Variants in ARFGEF3 observed in about 807,000 individuals in gnomAD.
The protein encoded by ARFGEF3 is ARFGEF family member 3.
A neutral mutation model predicts 221.7 loss-of-function variants in ARFGEF3; 96 were observed. That is an observed-to-expected ratio of 0.43 (90% CI 0.37 to 0.51). The LOEUF (loss-of-function observed/expected upper bound fraction) is 0.51. Ranked by LOEUF, ARFGEF3 falls within the 20% of genes least tolerant of loss-of-function variation. The pLI, the probability that ARFGEF3 is intolerant of heterozygous loss-of-function variation, is 0.00. For missense variants in ARFGEF3, 2,410 were observed against 2,789.9 expected (o/e 0.86, Z 3.07); for synonymous variants, 1,145 against 1,126.8 (o/e 1.02, Z -0.32).
intron 3 of ARFGEF3, 73 bp downstream of exon 3, chr6:138,207,196 T>A: frequency 8.9e-7 from 1 of 1,126,900 alleles, no homozygotes; most frequent in Non-Finnish European, 1.3e-6. Context: ...GGCAAATAGT[T>A]AACATTTTAA....
chr6:138,269,117 T>TTTG (rs1178153779), intron 12 of ARFGEF3, among the ~76,000 whole-genome samples: 1 of 152,230 alleles, frequency 6.6e-6, no homozygotes, highest in African/African-American at 2.4e-5. Context: ...GTCCCGTGAT[T>TTTG]TTGCTACCAT....
At chr6:138,240,769 G>C (rs565829809) in intron 6 of ARFGEF3, among the ~76,000 whole-genome samples, 1 of 152,170 alleles carries the variant, frequency 6.6e-6, no homozygotes, top group Non-Finnish European at 1.5e-5. Flanking sequence ...CCAATGGAGG[G>C]AGACATAAGT....
chr6:138,294,070 A>G lies in ARFGEF3; in HGVS notation c.3446A>G (p.Gln1149Arg), dbSNP rs749326121. Reference sequence around the variant, plus strand: ...CTTTACCAGCTGAAGAAAGCATCGCAGTCTCAGCTTTTCCATTCTGTTACA... The same window carrying G: ...CTTTACCAGCTGAAGAAAGCATCGCGGTCTCAGCTTTTCCATTCTGTTACA... ...GFLYQLKKAS[Q>R]SQLFHSVTDT... The change falls in exon 20 of 34, where the codon CAG (glutamine) becomes CGG (arginine). Residue 1149 changes from glutamine (Q) to arginine (R), a missense_variant. Gln to Arg is a conservative substitution (Grantham distance 43, BLOSUM62 1). This residue lies in a region of ARFGEF3 where 723 missense variants were observed against 991.9 expected (regional missense o/e 0.73). Transcript: ENST00000251691. The G allele has an allele frequency of 2.5e-6, 4 of 1,613,794 alleles. No homozygotes were observed. Among genetic ancestry groups the G allele is most frequent in the Non-Finnish European group, 3.4e-6 (4 of 1,179,688 alleles).
In ARFGEF3 at chr6:138,253,913, G is replaced by A; in HGVS notation, c.699G>A (p.Glu233=). 6.3e-7 allele frequency: 1 copy of A among 1,593,988 alleles called. No individual in the cohort carries two copies. Among genetic ancestry groups the A allele is most frequent in the Non-Finnish European group, 8.5e-7 (1 of 1,170,412 alleles). Residue 233 remains glutamate (E), a synonymous_variant, in exon 9 of 34, where the codon GAG becomes GAA. Coordinates refer to ENST00000251691, the MANE Select transcript of ARFGEF3 (RefSeq NM_020340.5). ...DSQQLQLLYL[E]CILSVLSSSS... is the part of the protein sequence containing the mutation. ...AGCAGCTGCAGCTTCTCTACCTGGA[G>A]TGCATCCTGTCTGTGCTCAGCAGCT...
intron 8 of ARFGEF3, among the ~76,000 whole-genome samples, chr6:138,252,144 T>A (rs1007162069): frequency 2.0e-5 from 3 of 152,194 alleles, no homozygotes; most frequent in Non-Finnish European, 4.4e-5. Context: ...AGACAGAGTA[T>A]ATCCAAATAT....
chr6:138,259,513 C>CAG (rs1778748289), intron 10 of ARFGEF3, among the ~76,000 whole-genome samples: 1 of 152,240 alleles, frequency 6.6e-6, no homozygotes. Flanking sequence ...CCACAACTCT[C>CAG]ATTCCCACCT....
At chr6:138,218,304 T>A in intron 4 of ARFGEF3, 1 of 1,578,284 alleles carries the variant, frequency 6.3e-7, no homozygotes, top group African/African-American at 1.3e-5. Context: ...CCTTGGGAAG[T>A]TACTTAATCT....
At chr6:138,277,579 C>T (rs1779121853) in intron 12 of ARFGEF3, among the ~76,000 whole-genome samples, 1 of 152,230 alleles carries the variant, frequency 6.6e-6, no homozygotes, top group Admixed American at 6.5e-5. Context: ...TTCTAAACAT[C>T]TTACATGCAT....
At chr6:138,267,150 T>G (rs1424875707) in intron 12 of ARFGEF3, among the ~76,000 whole-genome samples, 4 of 152,162 alleles carry the variant, frequency 2.6e-5, no homozygotes, top group Non-Finnish European at 4.4e-5. Flanking sequence ...AACAGTAAAA[T>G]TATAGTCAGG....
At position 138,334,737 on chromosome 6, in the gene ARFGEF3, A is replaced by C. The variant is rs751967414; in HGVS notation, c.5891A>C (p.Asp1964Ala). The C allele has an allele frequency of 3.7e-6, 6 of 1,609,430 alleles. No homozygotes were observed. In the African/African-American group the frequency reaches 8.0e-5, roughly 22 times the overall value. The stretch of plus-strand genomic sequence containing the variant: ...TCTGGGAAAGAAACCCCTTCCGAGG[A>C]TGACAGAAGCCAGTCCCGGGAGCAC... ...GFSGKETPSE[D>A]DRSQSREHMG... The change falls in exon 33 of 34, where the codon GAT becomes GCT. Residue 1964 changes from aspartate (D) to alanine (A), a missense_variant. Physicochemically the swap from Asp to Ala is moderately radical, Grantham distance 126. This residue lies in a region of ARFGEF3 where 339 missense variants were observed against 334.9 expected (regional missense o/e 1.01). Coordinates refer to ENST00000251691, the MANE Select transcript of ARFGEF3 (RefSeq NM_020340.5). The surrounding 1 kb of genome is among the most constrained non-coding windows in gnomAD (Gnocchi z 5.1).
At chr6:138,262,501 C>T (rs1267895956) in intron 11 of ARFGEF3, among the ~76,000 whole-genome samples, 200 bp from the exon 12 acceptor site, 2 of 152,126 alleles carry the variant, frequency 1.3e-5, no homozygotes, top group African/African-American at 4.8e-5. Flanking sequence ...CAATGCAGGC[C>T]ACTTTATCTG....
chr6:138,313,144 C>T (rs568410299), intron 25 of ARFGEF3, among the ~76,000 whole-genome samples: 1 of 152,258 alleles, frequency 6.6e-6, no homozygotes, highest in South Asian at 2.1e-4. Flanking sequence ...AGCCCTGGTT[C>T]CTTGAACAAT....
At chr6:138,167,129 C>T (rs1243506654) in intron 1 of ARFGEF3, among the ~76,000 whole-genome samples, 1 of 152,202 alleles carries the variant, frequency 6.6e-6, no homozygotes, top group East Asian at 1.9e-4. Context: ...CCTGCTTTAC[C>T]TTGACTTCTA....
intron 4 of ARFGEF3, among the ~76,000 whole-genome samples, chr6:138,214,841 C>G (rs1777805748): frequency 6.6e-6 from 1 of 152,134 alleles, no homozygotes; most frequent in African/African-American, 2.4e-5. Flanking sequence ...GGTTAAATCA[C>G]TTAGTCTAGG....
intron 27 of ARFGEF3, among the ~76,000 whole-genome samples, chr6:138,319,467 A>G (rs568368013): frequency 6.6e-6 from 1 of 152,262 alleles, no homozygotes; most frequent in South Asian, 2.1e-4. Flanking sequence ...TTTACCAGCA[A>G]TATTTGAATG....
intron 2 of ARFGEF3, among the ~76,000 whole-genome samples, chr6:138,196,590 A>G (rs4896330): frequency 0.072 from 10,945 of 152,262 alleles, 722 homozygotes; most frequent in East Asian, 0.33. Flanking sequence ...TGAGGACATT[A>G]TTGTACACTG....
At position 138,291,670 on chromosome 6, in the gene ARFGEF3, G is replaced by A. The variant is rs934487003; in HGVS notation, c.3048-63G>A. 3.2e-5 allele frequency: 38 copies of A among 1,190,566 alleles called. No homozygotes were observed. Among genetic ancestry groups the A allele is most frequent in the East Asian group, 2.2e-4 (7 of 31,660 alleles). 73.8% of individuals were successfully genotyped at this position (1,190,566 alleles called of 1,614,324 possible). A position where few individuals can be genotyped will look rare whatever the true frequency, so the allele number is the denominator to read the frequency against. ...GCATTTCCTTTGTCTGGCACTGTGG[G>A]GTTTATGGAGCTGCCGGGGTGAGCT... is the stretch of plus-strand genomic sequence containing the variant. On this transcript the variant is annotated intron_variant, in intron 18 of 33. Transcript: ENST00000251691. This position sits in a 1 kb window ranked among gnomAD's most constrained non-coding sequence, Gnocchi z 4.5.
intron 11 of ARFGEF3, 71 bp downstream of exon 11, chr6:138,261,710 C>T (rs534173300): frequency 1.2e-6 from 1 of 822,646 alleles, no homozygotes; most frequent in African/African-American, 1.7e-5. Context: ...GCTTACAAGT[C>T]CCTGAAATTT....
intron 10 of ARFGEF3, among the ~76,000 whole-genome samples, chr6:138,256,453 C>G (rs753808634): frequency 6.6e-6 from 1 of 152,180 alleles, no homozygotes; most frequent in Non-Finnish European, 1.5e-5. Context: ...TTTGTTATCT[C>G]AACCCCCACC....
Sources: allele counts gnomAD v4.1 joint callset (sites outside exome capture counted in the v4.1 genomes callset), GRCh38; gene constraint gnomAD v4.1.1; regional missense constraint gnomAD v4.1.1; non-coding constraint Gnocchi (gnomAD v3.1); transcripts MANE v1.5; gene names NCBI Gene and HGNC (gene_info 2026-07-23, HGNC 2026-07-21).